Variants in PTPN13 observed in about 807,000 individuals in gnomAD.
The protein encoded by PTPN13 is tyrosine-protein phosphatase non-receptor type 13.
In PTPN13, 191 loss-of-function variants were observed where a neutral mutation model predicts 284.0. The ratio of observed to expected loss-of-function variants is 0.67; its 90% CI spans 0.60 to 0.76. PTPN13 has a LOEUF of 0.76. PTPN13 is among the 30% of genes least tolerant of loss of function. The pLI is 0.00. For missense variants in PTPN13, 2,797 were observed against 2,939.9 expected (o/e 0.95, Z 1.12); for synonymous variants, 986 against 1,022.3 (o/e 0.96, Z 0.68).
At chr4:86,771,038 A>G (rs1739936000) in intron 30 of PTPN13, 133 bp from the exon 31 acceptor site, 2 of 894,752 alleles carry the variant, frequency 2.2e-6, no homozygotes, top group Non-Finnish European at 3.3e-6. Context: ...TTCTCTATTG[A>G]ACATAAATTA....
intron 20 of PTPN13, 44 bp downstream of exon 20, chr4:86,753,109 G>T: frequency 6.9e-7 from 1 of 1,443,962 alleles, no homozygotes; most frequent in South Asian, 1.2e-5. Flanking sequence ...ATCATTTCTT[G>T]TACCTTACTG....
chr4:86,768,766 A>G (rs937271403), intron 28 of PTPN13, among the ~76,000 whole-genome samples: 2 of 145,458 alleles, frequency 1.4e-5, no homozygotes, highest in Non-Finnish European at 3.0e-5. Flanking sequence ...GCTGGAGTAC[A>G]GTGGCGCAAT....
In PTPN13 at chr4:86,734,545, TCA is replaced by T. The variant is rs201113454; in HGVS notation, c.2012+90_2012+91del. On this transcript the variant is annotated intron_variant, in intron 13 of 47. Transcript: ENST00000411767. ...CTGATACTGAATTACTTGATTCCAA[TCA>T]ATGATAATGTCTGCTTTATCATAAA... The T allele has an allele frequency of 1.4e-3, 1,870 of 1,306,728 alleles. 15 individuals are homozygous for T. In the African/African-American group the frequency reaches 0.022, roughly 16 times the overall value. 80.9% of individuals were successfully genotyped at this position (1,306,728 alleles called of 1,614,324 possible).
At chr4:86,689,591 G>T in intron 5 of PTPN13, 1 of 696,644 alleles carries the variant, frequency 1.4e-6, no homozygotes, top group Non-Finnish European at 2.6e-6. Context: ...TACCTGTTTC[G>T]TGACCACTCA....
Position 86,735,670 on chromosome 4 carries a change from T to A in PTPN13, c.2228T>A (p.Ile743Asn). ...ATGGAGAAACTTGATTTATCCTATATCAAAGAAGAGTTACCCAAATTGCAT... is the reference window on the plus strand; with the variant it reads ...ATGGAGAAACTTGATTTATCCTATAACAAAGAAGAGTTACCCAAATTGCAT... ...RVMEKLDLSYIKEELPKLHNT... is the reference protein window; with the variant it reads ...RVMEKLDLSYNKEELPKLHNT... The change falls in exon 15 of 48, where the codon ATC becomes AAC. Residue 743 changes from isoleucine to asparagine, a missense_variant. Transcript: ENST00000411767. 6.2e-7 allele frequency: 1 copy of A among 1,613,590 alleles called. No homozygotes were observed. The highest frequency in any genetic ancestry group is 8.5e-7 in the Non-Finnish European group (1 of 1,179,654).
At chr4:86,702,908 C>T (rs1017799787) in intron 7 of PTPN13, among the ~76,000 whole-genome samples, 1 of 151,944 alleles carries the variant, frequency 6.6e-6, no homozygotes, top group African/African-American at 2.4e-5. Flanking sequence ...TTTTTAAGAT[C>T]GTTATTCTAG....
rs145513257 is a variant in PTPN13, at chr4:86,732,839, A to C, written c.1858+73A>C. 940 of 1,308,596 alleles carry C rather than the reference A, an allele frequency of 7.2e-4. 5 individuals are homozygous for C. The African/African-American group carries it at 0.012, about 17-fold the overall frequency. The allele number at this position is 1,308,596 out of a possible 1,614,324, so 81.1% of individuals were successfully genotyped here. A position where few individuals can be genotyped will look rare whatever the true frequency, so the allele number is the denominator to read the frequency against. ...AAGCAGACTTCCTATGTTTGTTACC[A>C]TGCCTGACCTCATTTTGACAATTAG... On this transcript the variant is annotated intron_variant, in intron 12 of 47. Coordinates refer to ENST00000411767, the MANE Select transcript of PTPN13 (RefSeq NM_080683.3).
At chr4:86,792,696 G>A (rs1347425525) in intron 40 of PTPN13, among the ~76,000 whole-genome samples, 1 of 152,170 alleles carries the variant, frequency 6.6e-6, no homozygotes, top group African/African-American at 2.4e-5. Flanking sequence ...GAGAGTGGAG[G>A]CCAATATTCA....
At chr4:86,608,535 A>G (rs1448663773) in intron 1 of PTPN13, among the ~76,000 whole-genome samples, 2 of 152,090 alleles carry the variant, frequency 1.3e-5, no homozygotes, top group Non-Finnish European at 2.9e-5. Flanking sequence ...TATAAAATAT[A>G]CTGTTTAATA....
In PTPN13 at chr4:86,718,455, C is replaced by CTTTTTTTTTTTTTTT. The variant is rs796389778; in HGVS notation, c.1385+1351_1385+1352insTTTTTTTTTTTTTTT. On this transcript the variant is annotated intron_variant, in intron 9 of 47. Transcript: ENST00000411767. The stretch of plus-strand genomic sequence containing the variant: ...AAATTATTCTTTAGTTAATGGTCCA[C>CTTTTTTTTTTTTTTT]TTTTTTTTTTTTTGAGACAGAGTCT... Among the ~76,000 whole-genome samples, 3 of 140,156 alleles carry CTTTTTTTTTTTTTTT rather than the reference C, an allele frequency of 2.1e-5. 1 individual carries two copies. Among genetic ancestry groups the CTTTTTTTTTTTTTTT allele is most frequent in the Non-Finnish European group, 4.8e-5 (3 of 62,760 alleles). 91.9% of individuals were successfully genotyped at this position (140,156 alleles called of 152,430 possible). A position where few individuals can be genotyped will look rare whatever the true frequency, so the allele number is the denominator to read the frequency against.
At chr4:86,738,881 A>G (rs926793193) in intron 15 of PTPN13, among the ~76,000 whole-genome samples, 2 of 152,266 alleles carry the variant, frequency 1.3e-5, no homozygotes, top group Admixed American at 6.5e-5. Flanking sequence ...GGATTTTGTC[A>G]TGATGGCCAG....
intron 39 of PTPN13, 116 bp downstream of exon 39, chr4:86,785,484 T>A: frequency 1.1e-6 from 1 of 943,876 alleles, no homozygotes; most frequent in Non-Finnish European, 1.5e-6. Flanking sequence ...CATTCATGTG[T>A]AATATTTCAG....
chr4:86,688,697 A>C (rs1729696391), intron 4 of PTPN13, among the ~76,000 whole-genome samples: 1 of 152,120 alleles, frequency 6.6e-6, no homozygotes, highest in African/African-American at 2.4e-5. Context: ...GCGTGTGTAC[A>C]TGTAGTAACT....
intron 44 of PTPN13, among the ~76,000 whole-genome samples, chr4:86,806,081 C>T (rs1578724781): frequency 6.6e-6 from 1 of 151,264 alleles, no homozygotes; most frequent in African/African-American, 2.4e-5. Context: ...CGCTTGAACC[C>T]GGGAGGCAGA....
chr4:86,671,182 A>G (rs969992292), intron 2 of PTPN13, among the ~76,000 whole-genome samples: 2 of 152,232 alleles, frequency 1.3e-5, no homozygotes, highest in African/African-American at 4.8e-5. Flanking sequence ...CATAAGTCAT[A>G]TTCTGATCAT....
intron 3 of PTPN13, among the ~76,000 whole-genome samples, chr4:86,676,544 A>AG (rs1491560423): frequency 6.6e-6 from 1 of 152,226 alleles, no homozygotes; most frequent in Non-Finnish European, 1.5e-5. Context: ...GCAGGAACTC[A>AG]AAGAGATATT....
intron 7 of PTPN13, among the ~76,000 whole-genome samples, chr4:86,708,619 T>A (rs1201627596): frequency 6.6e-6 from 1 of 152,098 alleles, no homozygotes. Context: ...TTGATATGTC[T>A]TAAGAAAGAT....
intron 7 of PTPN13, among the ~76,000 whole-genome samples, chr4:86,704,785 T>TC (rs969483800): frequency 1.3e-5 from 2 of 152,092 alleles, no homozygotes; most frequent in Admixed American, 6.6e-5. Context: ...TACCCATTAT[T>TC]CCCCCAGAGG....
At chr4:86,696,082 ATTATT>A (rs1478570781) in intron 6 of PTPN13, among the ~76,000 whole-genome samples, 3 of 152,096 alleles carry the variant, frequency 2.0e-5, no homozygotes, top group Non-Finnish European at 4.4e-5. Context: ...ATTGTTACAT[ATTATT>A]TTAAAGATAG....
Sources: allele counts gnomAD v4.1 joint callset (sites outside exome capture counted in the v4.1 genomes callset), GRCh38; gene constraint gnomAD v4.1.1; transcripts MANE v1.5; gene names NCBI Gene and HGNC (gene_info 2026-07-23, HGNC 2026-07-21).